WIPF3: variants seen among roughly 807,000 people sequenced by gnomAD.
WIPF3 encodes the protein WAS/WASL-interacting protein family member 3.
A neutral mutation model predicts 38.9 loss-of-function variants in WIPF3; 33 were observed. The ratio of observed to expected loss-of-function variants is 0.85; its 90% CI spans 0.64 to 1.14. The LOEUF is 1.14. Ranked by LOEUF, WIPF3 falls within the 50% of genes most tolerant of loss-of-function variation. The probability of loss-of-function intolerance (pLI) is 0.00; values close to 1 mark genes in which losing one functional copy is unlikely to be tolerated. For synonymous variants in WIPF3, 324 were observed against 269.3 expected (o/e 1.20, Z -1.99); for missense variants, 711 against 652.5 (o/e 1.09, Z -0.98).
chr7:29,899,894 ATG>A lies in WIPF3; in HGVS notation c.1352-4390_1352-4389del, dbSNP rs370836896. 1.8e-4 allele frequency among the ~76,000 whole-genome samples: 27 copies of A among 152,320 alleles called. No homozygotes were observed. In the East Asian group the frequency reaches 4.8e-3, roughly 27 times the overall value. Reference sequence around the variant, plus strand: ...ATAGAAGAGAGAAGAGACTAGAAATATGTACACCAAAATATTTTATTTATTTA... The same window carrying A: ...ATAGAAGAGAGAAGAGACTAGAAATATACACCAAAATATTTTATTTATTTA... On this transcript the variant is annotated intron_variant, in intron 7 of 8. Transcript: ENST00000242140.
intron 8 of WIPF3, among the ~76,000 whole-genome samples, chr7:29,912,293 T>C (rs1366280892): frequency 1.3e-5 from 2 of 152,136 alleles, no homozygotes; most frequent in Non-Finnish European, 2.9e-5. Context: ...GTGGCAAAGA[T>C]GTGGAGAAAA....
intron 7 of WIPF3, among the ~76,000 whole-genome samples, chr7:29,890,827 A>G (rs1453477459): frequency 2.0e-3 from 127 of 64,384 alleles, no homozygotes; most frequent in East Asian, 2.8e-3. Flanking sequence ...GGGGGCGCAG[A>G]CCTGCCCTGT....
chr7:29,907,456 G>A (rs1444264931), intron 8 of WIPF3, among the ~76,000 whole-genome samples: 1 of 152,178 alleles, frequency 6.6e-6, no homozygotes. Context: ...ACTTTAGGAT[G>A]TTAAGTGTAA....
At chr7:29,842,797 C>CT (rs963170567) in intron 2 of WIPF3, among the ~76,000 whole-genome samples, 1 of 152,044 alleles carries the variant, frequency 6.6e-6, no homozygotes, top group East Asian at 1.9e-4. Context: ...TGGAAGGGTG[C>CT]TTAGTAGAAT....
At chr7:29,815,917 T>C (rs1784447720) in intron 1 of WIPF3, among the ~76,000 whole-genome samples, 1 of 152,280 alleles carries the variant, frequency 6.6e-6, no homozygotes, top group African/African-American at 2.4e-5. Context: ...CCAGGAAGTC[T>C]GTGTGCAAGG....
chr7:29,873,684 T>C (rs1785536676), intron 2 of WIPF3, among the ~76,000 whole-genome samples: 1 of 152,222 alleles, frequency 6.6e-6, no homozygotes, highest in Admixed American at 6.5e-5. Context: ...TTGAGGCTCC[T>C]TGCTCTCCAC....
chr7:29,874,322 CAG>C (rs1785548573), intron 2 of WIPF3, among the ~76,000 whole-genome samples: 1 of 152,048 alleles, frequency 6.6e-6, no homozygotes, highest in Admixed American at 6.6e-5. Context: ...ACAAAACAGA[CAG>C]AATATTTTTT....
chr7:29,807,492 C>T (rs1475397667), intron 1 of WIPF3, among the ~76,000 whole-genome samples: 1 of 152,180 alleles, frequency 6.6e-6, no homozygotes, highest in African/African-American at 2.4e-5. Context: ...CCTGGAGGAG[C>T]GCCGCCCGGG....
At chr7:29,877,769 G>A (rs917145) in intron 3 of WIPF3, among the ~76,000 whole-genome samples, 41,688 of 152,094 alleles carry the variant, frequency 0.27, 5,974 homozygotes, top group Middle Eastern at 0.36. Flanking sequence ...ACTTCAGGCT[G>A]TGTGTAAAGG....
chr7:29,842,964 C>A (rs1784938630), intron 2 of WIPF3, among the ~76,000 whole-genome samples: 1 of 152,214 alleles, frequency 6.6e-6, no homozygotes, highest in African/African-American at 2.4e-5. Flanking sequence ...ACTGGGGACG[C>A]TTACCAGGAA....
Position 29,834,913 on chromosome 7 carries a change from T to C in WIPF3, c.90+99T>C, listed in dbSNP as rs1784776706. 1.2e-5 allele frequency: 16 copies of C among 1,391,110 alleles called. No individual in the cohort carries two copies. The South Asian group carries it at 2.1e-4, about 18-fold the overall frequency. 86.2% of individuals were successfully genotyped at this position (1,391,110 alleles called of 1,614,324 possible). A position where few individuals can be genotyped will look rare whatever the true frequency, so the allele number is the denominator to read the frequency against. The stretch of plus-strand genomic sequence containing the variant: ...ATGTTCAGAAGTAGCACTGCCTAGC[T>C]TCCCTGTGGCAGGTGGCATCTTAGG... On this transcript the variant is annotated intron_variant, in intron 2 of 8. Coordinates refer to ENST00000242140, the MANE Select transcript of WIPF3 (RefSeq NM_001080529.3).
intron 2 of WIPF3, among the ~76,000 whole-genome samples, chr7:29,839,520 G>A (rs1050591247): frequency 4.6e-5 from 7 of 152,138 alleles, no homozygotes; most frequent in African/African-American, 1.7e-4. Context: ...ACAAGGAGGC[G>A]CACAGAGCGT....
chr7:29,848,142 G>A (rs1369068987), intron 2 of WIPF3, among the ~76,000 whole-genome samples: 1 of 152,172 alleles, frequency 6.6e-6, no homozygotes, highest in South Asian at 2.1e-4. Context: ...GCCCACGGGT[G>A]TAGCAGGAGG....
At chr7:29,898,035 T>A (rs943425796) in intron 7 of WIPF3, among the ~76,000 whole-genome samples, 5 of 152,086 alleles carry the variant, frequency 3.3e-5, no homozygotes, top group African/African-American at 1.2e-4. Flanking sequence ...CACCCCCTGT[T>A]CTCTCTGGAG....
intron 1 of WIPF3, among the ~76,000 whole-genome samples, chr7:29,829,558 A>AT (rs1448791473): frequency 1.3e-5 from 2 of 152,190 alleles, no homozygotes; most frequent in African/African-American, 4.8e-5. Context: ...AGTGGTGATG[A>AT]TAAGTGTCAC....
At chr7:29,814,006 G>A (rs1784420792) in intron 1 of WIPF3, among the ~76,000 whole-genome samples, 2 of 150,796 alleles carry the variant, frequency 1.3e-5, no homozygotes, top group Admixed American at 6.6e-5. Context: ...CTGCAGCCTC[G>A]ACCACCCAGG....
chr7:29,900,999 T>C (rs549683472), intron 7 of WIPF3, among the ~76,000 whole-genome samples: 2 of 152,190 alleles, frequency 1.3e-5, no homozygotes, highest in Admixed American at 6.5e-5. Flanking sequence ...TGGGAGGGAA[T>C]TGCAGCCCAG....
chr7:29,865,520 AGGAT>A (rs1005603048), intron 2 of WIPF3, among the ~76,000 whole-genome samples: 5 of 152,068 alleles, frequency 3.3e-5, no homozygotes, highest in African/African-American at 1.2e-4. Context: ...AGGGGTATGG[AGGAT>A]CACTGCAAAC....
intron 1 of WIPF3, among the ~76,000 whole-genome samples, chr7:29,827,383 TCTC>T (rs966697713): frequency 3.3e-5 from 5 of 152,186 alleles, no homozygotes; most frequent in Non-Finnish European, 5.9e-5. Context: ...CATAAAACAT[TCTC>T]ATCATCACCT....
Sources: gnomAD v4.1 joint callset for allele counts (sites outside exome capture counted in the v4.1 genomes callset) on GRCh38, gnomAD v4.1.1 for gene constraint, MANE v1.5 for transcripts, NCBI Gene and HGNC (gene_info 2026-07-23, HGNC 2026-07-21) for gene names.